Variants in CDH12 observed in about 807,000 individuals in gnomAD.
The protein encoded by CDH12 is cadherin-12.
Under a neutral mutation model 74.1 loss-of-function variants are expected in CDH12, and 41 were observed. The observed-to-expected ratio is 0.55, with a 90% CI of 0.43 to 0.72. The LOEUF (loss-of-function observed/expected upper bound fraction) is 0.72. Among genes scored for constraint, CDH12 ranks in the 30% least tolerant of loss-of-function variants. The pLI, the probability that CDH12 is intolerant of heterozygous loss-of-function variation, is 0.00. For missense variants in CDH12, 945 were observed against 977.2 expected (o/e 0.97, Z 0.44); for synonymous variants, 399 against 355.0 (o/e 1.12, Z -1.39).
At chr5:22,707,190 C>A (rs962653349) in intron 1 of CDH12, among the ~76,000 whole-genome samples, 3 of 152,148 alleles carry the variant, frequency 2.0e-5, no homozygotes, top group African/African-American at 7.2e-5. Context: ...GCATAAATCC[C>A]TTCAATTAAA....
intron 3 of CDH12, among the ~76,000 whole-genome samples, chr5:22,231,410 T>G (rs1184123416): frequency 6.6e-6 from 1 of 152,072 alleles, no homozygotes; most frequent in Admixed American, 6.5e-5. Context: ...TCTAATTTAA[T>G]GGGTATTCAA....
intron 1 of CDH12, among the ~76,000 whole-genome samples, chr5:22,747,177 A>G (rs1745332617): frequency 6.6e-6 from 1 of 152,184 alleles, no homozygotes. Flanking sequence ...TTTTTATATA[A>G]GAAAAATGGT....
intron 3 of CDH12, among the ~76,000 whole-genome samples, chr5:22,262,565 G>T (rs1233876497): frequency 4.0e-5 from 6 of 150,824 alleles, no homozygotes; most frequent in Non-Finnish European, 8.9e-5. Context: ...GAATAGTGCC[G>T]CAATAAACAT....
intron 6 of CDH12, among the ~76,000 whole-genome samples, chr5:21,887,055 C>G (rs985359241): frequency 1.3e-5 from 2 of 152,036 alleles, no homozygotes; most frequent in African/African-American, 4.8e-5. Context: ...CATATTTACA[C>G]GATAAAATTG....
intron 1 of CDH12, among the ~76,000 whole-genome samples, chr5:22,839,855 G>A (rs1269074881): frequency 6.6e-6 from 1 of 152,086 alleles, no homozygotes; most frequent in Non-Finnish European, 1.5e-5. Flanking sequence ...AATATTCGAT[G>A]CAAAAAGAAT....
chr5:21,850,433 G>A (rs1750402904), intron 7 of CDH12, among the ~76,000 whole-genome samples: 1 of 151,424 alleles, frequency 6.6e-6, no homozygotes, highest in South Asian at 2.1e-4. Flanking sequence ...TGTTATATAT[G>A]TGATATACAA....
At chr5:22,432,859 G>C (rs914749323) in intron 2 of CDH12, among the ~76,000 whole-genome samples, 5 of 152,086 alleles carry the variant, frequency 3.3e-5, no homozygotes, top group African/African-American at 1.2e-4. Context: ...TGGGAGCTTA[G>C]AAATCCTATA....
chr5:22,416,915 T>G (rs539201507), intron 2 of CDH12, among the ~76,000 whole-genome samples: 1 of 152,298 alleles, frequency 6.6e-6, no homozygotes, highest in South Asian at 2.1e-4. Flanking sequence ...ATTTAAGATA[T>G]TTTTTAATGA....
chr5:21,762,526 A>C (rs908062135), intron 12 of CDH12, among the ~76,000 whole-genome samples: 2 of 152,132 alleles, frequency 1.3e-5, no homozygotes, highest in African/African-American at 4.8e-5. Context: ...ATATATTACA[A>C]TTAATTTCTC....
chr5:21,772,154 T>A (rs1366434388), intron 11 of CDH12, among the ~76,000 whole-genome samples: 1 of 152,204 alleles, frequency 6.6e-6, no homozygotes, highest in Non-Finnish European at 1.5e-5. Flanking sequence ...TGGTTTACAC[T>A]GTAACCAACA....
intron 5 of CDH12, among the ~76,000 whole-genome samples, chr5:22,020,883 T>C (rs1187796702): frequency 3.3e-5 from 5 of 151,742 alleles, no homozygotes; most frequent in Non-Finnish European, 7.4e-5. Flanking sequence ...ACAGGGACTA[T>C]TGTAAATTCC....
Position 22,821,779 on chromosome 5 carries a change from T to C in CDH12, c.-523+31279A>G, listed in dbSNP as rs569574498. 2.7e-3 allele frequency among the ~76,000 whole-genome samples: 413 copies of C among 150,686 alleles called. 3 individuals are homozygous for C. Among genetic ancestry groups the C allele is most frequent in the Non-Finnish European group, 1.6e-3 (107 of 67,522 alleles). Reference sequence around the variant, plus strand: ...ATTCCATGCTCATGGGTAGGAAGAATCAATATCATGAAAATGGCCATACTG... The same window carrying C: ...ATTCCATGCTCATGGGTAGGAAGAACCAATATCATGAAAATGGCCATACTG... On this transcript the variant is annotated intron_variant, in intron 1 of 14. Coordinates refer to ENST00000382254, the MANE Select transcript of CDH12 (RefSeq NM_004061.5).
At chr5:21,793,967 G>T (rs1046472324) in intron 10 of CDH12, among the ~76,000 whole-genome samples, 6 of 150,212 alleles carry the variant, frequency 4.0e-5, no homozygotes, top group Non-Finnish European at 5.9e-5. Flanking sequence ...ACTGAATAAG[G>T]TTTCATATAC....
At chr5:22,347,397 CA>C (rs1740163182) in intron 3 of CDH12, among the ~76,000 whole-genome samples, 1 of 151,924 alleles carries the variant, frequency 6.6e-6, no homozygotes, top group South Asian at 2.1e-4. Context: ...CATCGGACTC[CA>C]AATTCTTCAG....
chr5:22,806,652 C>T (rs1256146081), intron 1 of CDH12, among the ~76,000 whole-genome samples: 1 of 151,924 alleles, frequency 6.6e-6, no homozygotes, highest in Non-Finnish European at 1.5e-5. Flanking sequence ...CCGCGCCCGG[C>T]CTAATGATTG....
In CDH12 at chr5:22,618,397, C is replaced by T. The variant is rs116569530; in HGVS notation, c.-522-113033G>A. Among the ~76,000 whole-genome samples the T allele has an allele frequency of 1.5e-3, 222 of 152,178 alleles. 1 individual carries two copies. The highest frequency in any genetic ancestry group is 5.1e-3 in the African/African-American group (213 of 41,522). On this transcript the variant is annotated intron_variant, in intron 1 of 14. Transcript: ENST00000382254. ...CCTACAGTAGCTTTAATCAGATATA[C>T]GCAATGGCAGCAATTGCCGATGTAG...
intron 2 of CDH12, among the ~76,000 whole-genome samples, chr5:22,453,398 T>A (rs1014851581): frequency 6.6e-5 from 10 of 152,182 alleles, no homozygotes; most frequent in African/African-American, 2.4e-4. Flanking sequence ...GGAATGCTAT[T>A]CAGCTATAAA....
At chr5:21,770,523 C>A (rs557133046) in intron 11 of CDH12, among the ~76,000 whole-genome samples, 136 of 150,672 alleles carry the variant, frequency 9.0e-4, no homozygotes, top group African/African-American at 3.2e-3. Context: ...ACTCGGGAGG[C>A]AGGAGAATCT....
At chr5:22,483,545 G>A (rs1321835709) in intron 2 of CDH12, among the ~76,000 whole-genome samples, 2 of 150,648 alleles carry the variant, frequency 1.3e-5, no homozygotes, top group African/African-American at 2.4e-5. Flanking sequence ...TGTAGTGATG[G>A]AAGACCCTAT....
Sources: gnomAD v4.1 joint callset for allele counts (sites outside exome capture counted in the v4.1 genomes callset) on GRCh38, gnomAD v4.1.1 for gene constraint, MANE v1.5 for transcripts, NCBI Gene and HGNC (gene_info 2026-07-23, HGNC 2026-07-21) for gene names.